AKAP7: variants seen among roughly 807,000 people sequenced by gnomAD.
AKAP7 encodes A-kinase anchoring protein 7.
A neutral mutation model predicts 39.5 loss-of-function variants in AKAP7; 39 were observed. That is an observed-to-expected ratio of 0.99 (90% CI 0.76 to 1.29). AKAP7 has a LOEUF of 1.29. Ranked by LOEUF, AKAP7 falls within the 50% of genes most tolerant of loss-of-function variation. AKAP7 has a pLI of 0.00. For missense variants in AKAP7, 414 were observed against 407.7 expected, an observed-to-expected ratio of 1.02 and a Z score of -0.13; for synonymous variants, 140 against 139.1, an observed-to-expected ratio of 1.01 and a Z score of -0.05.
chr6:131,237,086 AC>A lies in AKAP7; in HGVS notation c.850+17280del, dbSNP rs1811133592. Among the ~76,000 whole-genome samples the A allele has an allele frequency of 3.9e-5, 6 of 152,244 alleles. No individual in the cohort carries two copies. The South Asian group carries it at 1.2e-3, about 32-fold the overall frequency. On this transcript the variant is annotated intron_variant, in intron 7 of 7. Transcript: ENST00000431975. ...TTATTTTGAGATACGGCCCATCAAT[AC>A]CTAATTTATTGAGAGTTTTTAGCAT...
intron 5 of AKAP7, among the ~76,000 whole-genome samples, chr6:131,180,485 T>C (rs1585025446): frequency 6.6e-6 from 1 of 152,340 alleles, no homozygotes; most frequent in South Asian, 2.1e-4. Context: ...GCTAGCTTCT[T>C]CATTGTACCT....
At chr6:131,168,078 T>C (rs1266815407) in intron 4 of AKAP7, among the ~76,000 whole-genome samples, 4 of 152,184 alleles carry the variant, frequency 2.6e-5, no homozygotes, top group South Asian at 2.1e-4. Context: ...AAAAATCTCG[T>C]AATGTCCAAT....
intron 7 of AKAP7, among the ~76,000 whole-genome samples, chr6:131,273,295 G>A (rs1185086677): frequency 2.0e-5 from 3 of 151,944 alleles, no homozygotes; most frequent in African/African-American, 7.3e-5. Context: ...ACTGTTCATT[G>A]GAGTGTCTAG....
At chr6:131,214,681 A>G (rs1180805332) in intron 6 of AKAP7, among the ~76,000 whole-genome samples, 1 of 152,328 alleles carries the variant, frequency 6.6e-6, no homozygotes, top group East Asian at 1.9e-4. Context: ...ACCTGTACAT[A>G]TCACTTGATT....
In AKAP7 at chr6:131,234,710, A is replaced by G. The variant is rs9492871; in HGVS notation, c.850+14902A>G. 9.4e-3 allele frequency among the ~76,000 whole-genome samples: 1,389 copies of G among 147,170 alleles called. 17 individuals are homozygous for G. The highest frequency in any genetic ancestry group is 0.031 in the African/African-American group (1,231 of 39,756). On this transcript the variant is annotated intron_variant, in intron 7 of 7. Coordinates refer to ENST00000431975, the MANE Select transcript of AKAP7 (RefSeq NM_016377.4). ...TCTCTCCTGTCCATTTTTATTTTATATGCAAGCTATTAGAAGTTAACTTTA... is the reference window on the plus strand; with the variant it reads ...TCTCTCCTGTCCATTTTTATTTTATGTGCAAGCTATTAGAAGTTAACTTTA...
In AKAP7 at chr6:131,211,772, C is replaced by CAAA. The variant is rs202168206; in HGVS notation, c.703-7870_703-7868dup. On this transcript the variant is annotated intron_variant, in intron 6 of 7. Coordinates refer to ENST00000431975, the MANE Select transcript of AKAP7 (RefSeq NM_016377.4). ...TGGGAGACAGAGTGAGACTCCGTCT[C>CAAA]AAAAAAAAAAAAAAAAAAAAAGAAA... is the stretch of plus-strand genomic sequence containing the variant. Among the ~76,000 whole-genome samples, 703 of 83,652 alleles carry CAAA rather than the reference C, an allele frequency of 8.4e-3. 28 individuals are homozygous for CAAA. Among genetic ancestry groups the CAAA allele is most frequent in the African/African-American group, 0.033 (652 of 19,832 alleles). The allele number at this position is 83,652 out of a possible 152,430, so 54.9% of individuals were successfully genotyped here. A position where few individuals can be genotyped will look rare whatever the true frequency, so the allele number is the denominator to read the frequency against.
At chr6:131,255,528 A>G (rs1812772016) in intron 7 of AKAP7, among the ~76,000 whole-genome samples, 1 of 152,186 alleles carries the variant, frequency 6.6e-6, no homozygotes, top group African/African-American at 2.4e-5. Flanking sequence ...CCTTGCCAGT[A>G]AAAATGTGTT....
At chr6:131,179,112 A>C (rs1483435039) in intron 5 of AKAP7, among the ~76,000 whole-genome samples, 5 of 152,154 alleles carry the variant, frequency 3.3e-5, no homozygotes, top group Non-Finnish European at 1.5e-5. Context: ...CACTGTACCC[A>C]GTGGGATGCC....
At chr6:131,265,604 A>G (rs1215836256) in intron 7 of AKAP7, among the ~76,000 whole-genome samples, 1 of 152,196 alleles carries the variant, frequency 6.6e-6, no homozygotes, top group Non-Finnish European at 1.5e-5. Context: ...AGAAAGCAAT[A>G]TAAATAGTTT....
chr6:131,250,436 T>C, intron 7 of AKAP7: 1 of 1,497,004 alleles, frequency 6.7e-7, no homozygotes, highest in Non-Finnish European at 9.0e-7. Context: ...GTGCATTGGC[T>C]CTTCAAGCTG....
chr6:131,219,748 T>G lies in AKAP7; in HGVS notation c.790T>G (p.Ser264Ala), dbSNP rs1387854475. The G allele has an allele frequency of 6.3e-7, 1 of 1,597,398 alleles. No individual in the cohort carries two copies. Among genetic ancestry groups the G allele is most frequent in the Non-Finnish European group, 8.5e-7 (1 of 1,172,476 alleles). The part of the protein sequence containing the change: ...EEILYRIDLC[S>A]MLKKKQSNGY... ...AATATTATATCGCATAGATCTTTGC[T>G]CCATGCTGAAGAAAAAACAAAGTAA... Residue 264 changes from serine to alanine, a missense_variant, in exon 7 of 8, where the codon TCC becomes GCC. Ser to Ala is a moderately conservative substitution (Grantham distance 99). Coordinates refer to ENST00000431975, the MANE Select transcript of AKAP7 (RefSeq NM_016377.4).
chr6:131,208,984 A>G (rs1027320934), intron 6 of AKAP7, among the ~76,000 whole-genome samples: 2 of 152,230 alleles, frequency 1.3e-5, no homozygotes, highest in Non-Finnish European at 2.9e-5. Context: ...ACAGAGCAGG[A>G]TATATAATTT....
chr6:131,195,866 G>A (rs996030398), intron 5 of AKAP7, among the ~76,000 whole-genome samples: 1 of 151,996 alleles, frequency 6.6e-6, no homozygotes, highest in Non-Finnish European at 1.5e-5. Context: ...GCTGCTTTTA[G>A]GATCCTTTCT....
At chr6:131,244,081 ATTTCAGTAATGC>A (rs1811814172) in intron 7 of AKAP7, among the ~76,000 whole-genome samples, 1 of 149,784 alleles carries the variant, frequency 6.7e-6, no homozygotes, top group Non-Finnish European at 1.5e-5. Context: ...AGTTTTTGTG[ATTTCAGTAATGC>A]TTGAAAAAAG....
At chr6:131,256,860 G>A (rs1280820850) in intron 7 of AKAP7, among the ~76,000 whole-genome samples, 1 of 151,884 alleles carries the variant, frequency 6.6e-6, no homozygotes. Flanking sequence ...ATTTTAATAA[G>A]ACCAAATTAT....
chr6:131,254,330 T>C (rs1812680577), intron 7 of AKAP7, among the ~76,000 whole-genome samples: 1 of 152,216 alleles, frequency 6.6e-6, no homozygotes. Flanking sequence ...TTGAATTACC[T>C]AATTTCTCAT....
At chr6:131,207,128 G>C (rs923890633) in intron 6 of AKAP7, among the ~76,000 whole-genome samples, 3 of 152,018 alleles carry the variant, frequency 2.0e-5, no homozygotes, top group Non-Finnish European at 4.4e-5. Flanking sequence ...TGCTTAATTT[G>C]GCTTCACACA....
intron 4 of AKAP7, among the ~76,000 whole-genome samples, chr6:131,166,578 A>G (rs997248274): frequency 6.6e-6 from 1 of 152,198 alleles, no homozygotes; most frequent in African/African-American, 2.4e-5. Flanking sequence ...TCAAGACCTC[A>G]GTCAGTCTGG....
At chr6:131,138,667 G>A (rs181159976) in intron 1 of AKAP7, among the ~76,000 whole-genome samples, 1 of 152,334 alleles carries the variant, frequency 6.6e-6, no homozygotes, top group African/African-American at 2.4e-5. Flanking sequence ...GTAATAGAGT[G>A]ACTGGATTCC....
Sources: allele counts gnomAD v4.1 joint callset (sites outside exome capture counted in the v4.1 genomes callset), GRCh38; gene constraint gnomAD v4.1.1; transcripts MANE v1.5; gene names NCBI Gene and HGNC (gene_info 2026-07-23, HGNC 2026-07-21).